Variants in CSMD1 observed in about 807,000 individuals in gnomAD.
CSMD1 encodes CUB and Sushi multiple domains 1.
In CSMD1, 213 loss-of-function variants were observed where a neutral mutation model predicts 417.5. The observed-to-expected ratio is 0.51, with a 90% confidence interval of 0.46 to 0.57. The LOEUF (loss-of-function observed/expected upper bound fraction) is 0.57. Among genes scored for constraint, CSMD1 ranks in the 20% least tolerant of loss-of-function variants. CSMD1 has a pLI of 0.00. For missense variants in CSMD1, 6,923 were observed against 4,529.7 expected, an observed-to-expected ratio of 1.53 and a Z score of -15.17; for synonymous variants, 2,862 against 1,736.8, an observed-to-expected ratio of 1.65 and a Z score of -16.11.
At chr8:4,036,853 T>G (rs916796932) in intron 3 of CSMD1, among the ~76,000 whole-genome samples, 1 of 152,220 alleles carries the variant, frequency 6.6e-6, no homozygotes, top group Non-Finnish European at 1.5e-5. Flanking sequence ...TCTTACCATC[T>G]CTGCATGAGG....
intron 5 of CSMD1, among the ~76,000 whole-genome samples, chr8:3,832,079 T>C (rs1340021970): frequency 1.3e-5 from 2 of 152,186 alleles, no homozygotes; most frequent in Non-Finnish European, 2.9e-5. Flanking sequence ...AGACTGGGTA[T>C]CTCATGTGTG....
chr8:3,779,333 A>T (rs1799055536), intron 5 of CSMD1, among the ~76,000 whole-genome samples: 1 of 152,122 alleles, frequency 6.6e-6, no homozygotes, highest in Non-Finnish European at 1.5e-5. Context: ...TCATAATTTT[A>T]AAGTAGTACT....
chr8:3,280,062 A>T (rs188240252), intron 26 of CSMD1, among the ~76,000 whole-genome samples: 141 of 150,108 alleles, frequency 9.4e-4, no homozygotes, highest in Non-Finnish European at 1.6e-3. Context: ...CTTGGGGCAC[A>T]TCGGCCCCCG....
chr8:3,665,192 G>A (rs964035985), intron 7 of CSMD1, among the ~76,000 whole-genome samples: 2 of 152,096 alleles, frequency 1.3e-5, no homozygotes, highest in African/African-American at 2.4e-5. Context: ...TTAGGTATTT[G>A]CATCTTTTAC....
At chr8:3,199,859 G>A (rs1432698345) in intron 32 of CSMD1, 50 bp from the exon 33 acceptor site, 3 of 1,138,668 alleles carry the variant, frequency 2.6e-6, no homozygotes, top group Non-Finnish European at 2.5e-6. Flanking sequence ...CACCGTGGGG[G>A]ACGGTAGTAT....
intron 5 of CSMD1, among the ~76,000 whole-genome samples, chr8:3,928,571 T>C (rs1263981860): frequency 7.3e-6 from 1 of 136,434 alleles, no homozygotes; most frequent in African/African-American, 2.7e-5. Context: ...AGTTCAGATC[T>C]ACAAGTAGTT....
chr8:4,653,906 T>A (rs1309518342), intron 1 of CSMD1, among the ~76,000 whole-genome samples: 1 of 151,764 alleles, frequency 6.6e-6, no homozygotes, highest in African/African-American at 2.4e-5. Context: ...GTAGTCTCAG[T>A]AGTCATTTTT....
chr8:4,368,884 T>G (rs1346975520), intron 3 of CSMD1, among the ~76,000 whole-genome samples: 3 of 152,122 alleles, frequency 2.0e-5, no homozygotes, highest in African/African-American at 4.8e-5. Flanking sequence ...TCAATCTTAT[T>G]TAATCCTTCA....
chr8:4,018,421 G>C (rs1018742713), intron 4 of CSMD1, among the ~76,000 whole-genome samples: 1 of 152,106 alleles, frequency 6.6e-6, no homozygotes, highest in Non-Finnish European at 1.5e-5. Context: ...TTCTCTCCCA[G>C]TTTGCAATCT....
At chr8:4,481,155 T>A (rs1474800563) in intron 2 of CSMD1, among the ~76,000 whole-genome samples, 1 of 152,212 alleles carries the variant, frequency 6.6e-6, no homozygotes. Context: ...ACATGTAAGA[T>A]TCCGAATACA....
At chr8:4,005,122 T>A (rs1816004530) in intron 4 of CSMD1, among the ~76,000 whole-genome samples, 1 of 152,146 alleles carries the variant, frequency 6.6e-6, no homozygotes, top group African/African-American at 2.4e-5. Context: ...TATAATGGAC[T>A]TTGGAGATTT....
intron 30 of CSMD1, among the ~76,000 whole-genome samples, chr8:3,214,133 C>G (rs1467780617): frequency 6.6e-6 from 1 of 151,984 alleles, no homozygotes; most frequent in East Asian, 1.9e-4. Context: ...CATGAGCTAC[C>G]ACGCCCGGCT....
intron 3 of CSMD1, among the ~76,000 whole-genome samples, chr8:4,380,921 G>C (rs998168462): frequency 6.6e-6 from 1 of 151,926 alleles, no homozygotes; most frequent in South Asian, 2.1e-4. Flanking sequence ...TACATTTTGA[G>C]ATATTCTATC....
chr8:3,866,189 C>T (rs1239866775), intron 5 of CSMD1, among the ~76,000 whole-genome samples: 1 of 152,158 alleles, frequency 6.6e-6, no homozygotes, highest in East Asian at 1.9e-4. Context: ...CACATCTAAG[C>T]CTAAATGAGT....
intron 2 of CSMD1, among the ~76,000 whole-genome samples, chr8:4,448,001 CAG>C (rs1798915797): frequency 6.6e-6 from 1 of 152,142 alleles, no homozygotes. Flanking sequence ...TTGCCAGGGG[CAG>C]GTGGTAAAAC....
At chr8:3,485,671 A>G (rs1817987662) in intron 11 of CSMD1, among the ~76,000 whole-genome samples, 1 of 151,902 alleles carries the variant, frequency 6.6e-6, no homozygotes, top group South Asian at 2.1e-4. Flanking sequence ...GAGGCATGAG[A>G]ATCCCTTGAA....
intron 5 of CSMD1, among the ~76,000 whole-genome samples, chr8:3,908,439 C>A (rs530706343): frequency 6.6e-6 from 1 of 152,242 alleles, no homozygotes; most frequent in Non-Finnish European, 1.5e-5. Context: ...AAACTTTGCT[C>A]GCAGATTTTC....
At chr8:3,407,298 G>A (rs905841723) in intron 14 of CSMD1, among the ~76,000 whole-genome samples, 3 of 152,024 alleles carry the variant, frequency 2.0e-5, no homozygotes, top group Non-Finnish European at 4.4e-5. Flanking sequence ...TAAAAGGAAT[G>A]ATAGACGGAA....
intron 30 of CSMD1, among the ~76,000 whole-genome samples, chr8:3,209,384 T>A (rs1797477173): frequency 6.6e-6 from 1 of 152,172 alleles, no homozygotes; most frequent in African/African-American, 2.4e-5. Flanking sequence ...TGGCGTGATC[T>A]CGGCTCACTG....
Sources: gnomAD v4.1 joint callset for allele counts (sites outside exome capture counted in the v4.1 genomes callset) on GRCh38, gnomAD v4.1.1 for gene constraint, MANE v1.5 for transcripts, NCBI Gene and HGNC (gene_info 2026-07-23, HGNC 2026-07-21) for gene names.